CDH12: variants seen among roughly 807,000 people sequenced by gnomAD.
CDH12 encodes the protein cadherin-12.
Under a neutral mutation model 74.1 loss-of-function variants are expected in CDH12, and 41 were observed. The ratio of observed to expected loss-of-function variants is 0.55; its 90% CI spans 0.43 to 0.72. The LOEUF is 0.72. Among genes scored for constraint, CDH12 ranks in the 30% least tolerant of loss-of-function variants. The pLI, the probability that CDH12 is intolerant of heterozygous loss-of-function variation, is 0.00. For synonymous variants in CDH12, 399 were observed against 355.0 expected (o/e 1.12, Z -1.39); for missense variants, 945 against 977.2 (o/e 0.97, Z 0.44).
At chr5:22,048,350 T>C (rs138790210) in intron 5 of CDH12, among the ~76,000 whole-genome samples, 27 of 152,188 alleles carry the variant, frequency 1.8e-4, no homozygotes, top group South Asian at 4.1e-4. Context: ...CTTGTAACAG[T>C]GTAGTACATC....
intron 1 of CDH12, among the ~76,000 whole-genome samples, chr5:22,554,588 C>A (rs1738715929): frequency 6.6e-6 from 1 of 151,996 alleles, no homozygotes; most frequent in African/African-American, 2.4e-5. Flanking sequence ...AGGTTAATTT[C>A]AATATCTAAA....
intron 1 of CDH12, among the ~76,000 whole-genome samples, chr5:22,596,398 G>A (rs879768678): frequency 1.3e-4 from 20 of 152,190 alleles, no homozygotes; most frequent in African/African-American, 3.6e-4. Context: ...CCAAGATGGC[G>A]CCACTGCACT....
chr5:22,067,342 G>A (rs538288810), intron 5 of CDH12, among the ~76,000 whole-genome samples: 4 of 152,258 alleles, frequency 2.6e-5, no homozygotes, highest in South Asian at 4.1e-4. Flanking sequence ...AGATATCCCC[G>A]AAAAGGTGAA....
At chr5:22,811,134 T>C (rs1005454188) in intron 1 of CDH12, among the ~76,000 whole-genome samples, 10 of 151,572 alleles carry the variant, frequency 6.6e-5, no homozygotes, top group African/African-American at 2.2e-4. Context: ...TATACACATA[T>C]ATGCTTCCAA....
At chr5:22,565,714 G>A (rs1388979197) in intron 1 of CDH12, among the ~76,000 whole-genome samples, 1 of 152,100 alleles carries the variant, frequency 6.6e-6, no homozygotes, top group Non-Finnish European at 1.5e-5. Flanking sequence ...CTCAGAGACA[G>A]TAAAAGCCAT....
chr5:22,287,490 C>T (rs577547892), intron 3 of CDH12, among the ~76,000 whole-genome samples: 79 of 151,424 alleles, frequency 5.2e-4, no homozygotes, highest in Non-Finnish European at 8.0e-4. Flanking sequence ...TTTGGGAGGC[C>T]GAGGCGGGCG....
intron 1 of CDH12, among the ~76,000 whole-genome samples, chr5:22,685,332 G>T (rs1314527485): frequency 2.6e-5 from 4 of 152,026 alleles, no homozygotes; most frequent in African/African-American, 9.7e-5. Context: ...CCACCTCCTG[G>T]GTTCAAGTGA....
At chr5:21,915,114 C>T (rs557323674) in intron 6 of CDH12, among the ~76,000 whole-genome samples, 1 of 152,128 alleles carries the variant, frequency 6.6e-6, no homozygotes, top group African/African-American at 2.4e-5. Context: ...TAAAAGCAAC[C>T]AGTAGTCCTG....
In CDH12 at chr5:22,124,732, T is replaced by C. The variant is rs1317612198; in HGVS notation, c.-186-45870A>G. Among the ~76,000 whole-genome samples the C allele has an allele frequency of 2.0e-5, 3 of 152,370 alleles. No individual in the cohort carries two copies. The East Asian group carries it at 5.8e-4, about 29-fold the overall frequency. On this transcript the variant is annotated intron_variant, in intron 4 of 14. Coordinates refer to ENST00000382254, the MANE Select transcript of CDH12 (RefSeq NM_004061.5). ...TAAATTTATCTTTCCCTGGATCTGA[T>C]CTTCACATGGGTGAGGATCTTTGAA...
chr5:22,149,630 A>G (rs1235557763), intron 4 of CDH12, among the ~76,000 whole-genome samples: 6 of 152,186 alleles, frequency 3.9e-5, no homozygotes, highest in Non-Finnish European at 8.8e-5. Flanking sequence ...TACATCCTAC[A>G]TGAATGATCT....
At chr5:21,752,549 G>T (rs1744158200) in intron 14 of CDH12, among the ~76,000 whole-genome samples, 2 of 152,154 alleles carry the variant, frequency 1.3e-5, no homozygotes, top group Admixed American at 6.6e-5. Context: ...CACTCATACA[G>T]AAAATTGTAA....
chr5:22,448,272 T>C (rs1007266241), intron 2 of CDH12, among the ~76,000 whole-genome samples: 1 of 151,964 alleles, frequency 6.6e-6, no homozygotes, highest in Non-Finnish European at 1.5e-5. Flanking sequence ...ATTAAATTAT[T>C]ATATTAATTC....
intron 1 of CDH12, among the ~76,000 whole-genome samples, chr5:22,733,317 C>A (rs528207518): frequency 6.6e-6 from 1 of 151,896 alleles, no homozygotes; most frequent in Admixed American, 6.6e-5. Context: ...ATTTAGCTTA[C>A]ATACAGTTAT....
chr5:22,729,873 T>C (rs1744344450), intron 1 of CDH12, among the ~76,000 whole-genome samples: 1 of 152,000 alleles, frequency 6.6e-6, no homozygotes, highest in South Asian at 2.1e-4. Context: ...TCTGTCTTTA[T>C]CTATTAATTT....
At chr5:22,363,586 T>C (rs888910505) in intron 3 of CDH12, among the ~76,000 whole-genome samples, 5 of 152,172 alleles carry the variant, frequency 3.3e-5, no homozygotes, top group Non-Finnish European at 4.4e-5. Context: ...ATTTAATAAG[T>C]TTTTCTTTCT....
intron 1 of CDH12, among the ~76,000 whole-genome samples, chr5:22,831,484 T>G (rs989336051): frequency 6.6e-6 from 1 of 151,778 alleles, no homozygotes; most frequent in African/African-American, 2.4e-5. Flanking sequence ...AAATGGAGGA[T>G]GTCAAGTGAA....
chr5:21,805,794 G>A (rs1397604669), intron 9 of CDH12, among the ~76,000 whole-genome samples: 1 of 152,150 alleles, frequency 6.6e-6, no homozygotes. Flanking sequence ...TAGTTTCAGT[G>A]CTAGAAAATA....
intron 3 of CDH12, among the ~76,000 whole-genome samples, chr5:22,386,622 G>C (rs1742011968): frequency 6.6e-6 from 1 of 151,756 alleles, no homozygotes; most frequent in Non-Finnish European, 1.5e-5. Flanking sequence ...CTGCTATCTA[G>C]AGTTCTTTTA....
intron 5 of CDH12, among the ~76,000 whole-genome samples, chr5:22,023,675 G>T (rs58756377): frequency 0.22 from 33,666 of 151,788 alleles, 3,833 homozygotes; most frequent in South Asian, 0.33. Flanking sequence ...CAAAGTAGAG[G>T]CAAATTTACT....
Sources: allele counts gnomAD v4.1 joint callset (sites outside exome capture counted in the v4.1 genomes callset), GRCh38; gene constraint gnomAD v4.1.1; transcripts MANE v1.5; gene names NCBI Gene and HGNC (gene_info 2026-07-23, HGNC 2026-07-21).